Variants in OSBPL3 observed in about 807,000 individuals in gnomAD.
The protein encoded by OSBPL3 is oxysterol binding protein like 3.
OSBPL3 carries 65 observed loss-of-function variants against 120.1 expected under a neutral mutation model. The observed-to-expected ratio is 0.54, with a 90% CI of 0.44 to 0.67. The LOEUF (loss-of-function observed/expected upper bound fraction) is 0.67, where lower values mean the gene tolerates loss of function less well. OSBPL3 is among the 30% of genes least tolerant of loss of function. The pLI, the probability that OSBPL3 is intolerant of heterozygous loss-of-function variation, is 0.00. For synonymous variants in OSBPL3, 416 were observed against 402.6 expected (o/e 1.03, Z -0.40); for missense variants, 1,004 against 1,082.1 (o/e 0.93, Z 1.01).
In OSBPL3 at chr7:24,877,026, T is replaced by C. The variant is rs992832990; in HGVS notation, c.97-4957A>G. Among the ~76,000 whole-genome samples, 1 of 152,206 alleles carries C rather than the reference T, an allele frequency of 6.6e-6. No individual in the cohort carries two copies. The highest frequency in any genetic ancestry group is 1.5e-5 in the Non-Finnish European group (1 of 68,034). Reference sequence around the variant, plus strand: ...TATTAGTATTCTTTATTTTTTTGCATGTGGAAACTGAGGAAGAGAGAATTA... The same window carrying C: ...TATTAGTATTCTTTATTTTTTTGCACGTGGAAACTGAGGAAGAGAGAATTA... On this transcript the variant is annotated intron_variant, in intron 2 of 22. Coordinates refer to ENST00000313367, the MANE Select transcript of OSBPL3 (RefSeq NM_015550.4). This position sits in a 1 kb window ranked among gnomAD's most constrained non-coding sequence, Gnocchi z 4.8.
At chr7:24,944,859 C>A (rs1196221457) in intron 1 of OSBPL3, among the ~76,000 whole-genome samples, 3 of 152,100 alleles carry the variant, frequency 2.0e-5, no homozygotes, top group South Asian at 2.1e-4. Flanking sequence ...AATGAACAAC[C>A]ACATCATTCT....
intron 1 of OSBPL3, among the ~76,000 whole-genome samples, chr7:24,905,619 G>A (rs931533725): frequency 2.6e-5 from 4 of 152,186 alleles, no homozygotes; most frequent in African/African-American, 9.7e-5. Flanking sequence ...AAGCTCCGTA[G>A]GACATTCTGA....
chr7:24,909,885 A>G (rs1488077109), intron 1 of OSBPL3, among the ~76,000 whole-genome samples: 2 of 142,702 alleles, frequency 1.4e-5, no homozygotes, highest in Non-Finnish European at 3.0e-5. Context: ...GCTCACTGCA[A>G]CCTCTGCCTC....
At position 24,870,807 on chromosome 7, in the gene OSBPL3, C is replaced by A; in HGVS notation, c.306G>T (p.Gly102=). The A allele has an allele frequency of 6.2e-7, 1 of 1,613,718 alleles. No individual in the cohort carries two copies. Among genetic ancestry groups the A allele is most frequent in the Non-Finnish European group, 8.5e-7 (1 of 1,179,600 alleles). The change falls in exon 5 of 23, where the codon GGG becomes GGT. Residue 102 remains glycine, a synonymous_variant. Coordinates refer to ENST00000313367, the MANE Select transcript of OSBPL3 (RefSeq NM_015550.4). ...REKLHGCIDV[G]LSVMSVKKSS... is the part of the protein sequence containing the mutation. The stretch of plus-strand genomic sequence containing the variant: ...ACTTCTTTACAGACATCACTGAGAG[C>A]CCGACATCAATGCAGCCATGCAGCT...
chr7:24,871,812 A>G lies in OSBPL3; in HGVS notation c.214-17T>C. 6.3e-7 allele frequency: 1 copy of G among 1,599,338 alleles called. No individual in the cohort carries two copies. The highest frequency in any genetic ancestry group is 1.1e-5 in the South Asian group (1 of 90,500). On this transcript the variant is annotated splice_polypyrimidine_tract_variant and intron_variant, in intron 3 of 22. Transcript: ENST00000313367. The surrounding 1 kb of genome is among the most constrained non-coding windows in gnomAD (Gnocchi z 4.8). ...GAAGAATCTCTGTGGGGAAGAAAGT[A>G]TTATTAATTAAGGCATTCAATTTAG... is the stretch of plus-strand genomic sequence containing the variant.
At chr7:24,868,463 TG>T (rs148359566) in intron 5 of OSBPL3, among the ~76,000 whole-genome samples, 12,177 of 150,738 alleles carry the variant, frequency 0.081, 703 homozygotes, top group Non-Finnish European at 0.12. Context: ...TTTATGAAGC[TG>T]TAATTTAAGA....
At chr7:24,845,384 T>TTAAAAA (rs1798287457) in intron 12 of OSBPL3, among the ~76,000 whole-genome samples, 4 of 62,264 alleles carry the variant, frequency 6.4e-5, no homozygotes, top group African/African-American at 6.6e-5. Flanking sequence ...GCAAAATAAG[T>TTAAAAA]AAAAAAAAAA....
rs192522374 is a variant in OSBPL3 at position 24,811,043 on chromosome 7, C to G, written c.2173-1092G>C. On this transcript the variant is annotated intron_variant, in intron 19 of 22. Transcript: ENST00000313367. ...ATTTCATTTCCTATGGATATACACC[C>G]AGTAGTGGGATTGGCAGATCATATG... 3.5e-3 allele frequency among the ~76,000 whole-genome samples: 540 copies of G among 152,344 alleles called. 5 individuals carry two copies. The highest frequency in any genetic ancestry group is 0.012 in the African/African-American group (504 of 41,584).
intron 1 of OSBPL3, among the ~76,000 whole-genome samples, chr7:24,921,799 T>C (rs1810418114): frequency 6.6e-6 from 1 of 152,210 alleles, no homozygotes; most frequent in Non-Finnish European, 1.5e-5. Context: ...ATTCTGCTAA[T>C]TTGGAAATGA....
At position 24,833,604 on chromosome 7, in the gene OSBPL3, T is replaced by A. The variant is rs1796649670; in HGVS notation, c.1746+882A>T. Reference sequence around the variant, plus strand: ...AGCCGAGGGGGCACTCCAATTCCAATGTAGCCAATTGGCAAATGCCCAGGA... The same window carrying A: ...AGCCGAGGGGGCACTCCAATTCCAAAGTAGCCAATTGGCAAATGCCCAGGA... On this transcript the variant is annotated intron_variant, in intron 15 of 22. Coordinates refer to ENST00000313367, the MANE Select transcript of OSBPL3 (RefSeq NM_015550.4). The surrounding 1 kb of genome is among the most constrained non-coding windows in gnomAD (Gnocchi z 4.4). 6.6e-6 allele frequency among the ~76,000 whole-genome samples: 1 copy of A among 152,158 alleles called. No individual in the cohort carries two copies. The highest frequency in any genetic ancestry group is 1.5e-5 in the Non-Finnish European group (1 of 68,040).
chr7:24,961,062 T>C (rs1815677132), intron 1 of OSBPL3, among the ~76,000 whole-genome samples: 1 of 152,138 alleles, frequency 6.6e-6, no homozygotes, highest in Non-Finnish European at 1.5e-5. Flanking sequence ...TGTAATGATT[T>C]TTTTAAAAAA....
At position 24,807,185 on chromosome 7, in the gene OSBPL3, A is replaced by G. The variant is rs528850615; in HGVS notation, c.2318-283T>C. 5.9e-5 allele frequency among the ~76,000 whole-genome samples: 9 copies of G among 152,336 alleles called. No homozygotes were observed. The South Asian group carries it at 1.7e-3, about 28-fold the overall frequency. On this transcript the variant is annotated intron_variant, in intron 20 of 22. Transcript: ENST00000313367. ...TCTGTAGTGCTTAAGCTATGAAAAT[A>G]ATTTGATTTTAAAATAAACATGCTC...
In OSBPL3 at chr7:24,922,588, G is replaced by A. The variant is rs1810533561; in HGVS notation, c.-149-29967C>T. Among the ~76,000 whole-genome samples the A allele has an allele frequency of 6.6e-6, 1 of 152,184 alleles. No individual in the cohort carries two copies. Among genetic ancestry groups the A allele is most frequent in the Admixed American group, 6.5e-5 (1 of 15,284 alleles). ...AGGGAAGTGTGTAAAATGCCAGGCTGCTCTCCCTAACCTTTCCTCCATTTC... is the reference window on the plus strand; with the variant it reads ...AGGGAAGTGTGTAAAATGCCAGGCTACTCTCCCTAACCTTTCCTCCATTTC... On this transcript the variant is annotated intron_variant, in intron 1 of 22. Transcript: ENST00000313367. The surrounding 1 kb of genome is among the most constrained non-coding windows in gnomAD (Gnocchi z 4.3).
chr7:24,964,628 T>G lies in OSBPL3; in HGVS notation c.-150+15258A>C, dbSNP rs543108848. On this transcript the variant is annotated intron_variant, in intron 1 of 22. Transcript: ENST00000313367. The surrounding 1 kb of genome is among the most constrained non-coding windows in gnomAD (Gnocchi z 4.2). Reference sequence around the variant, plus strand: ...AACCAAGATAATGTAGAACCCCACATGGAGTCCTGGAACGGCAAAAGGACA... The same window carrying G: ...AACCAAGATAATGTAGAACCCCACAGGGAGTCCTGGAACGGCAAAAGGACA... Among the ~76,000 whole-genome samples the G allele has an allele frequency of 6.6e-6, 1 of 152,298 alleles. No homozygotes were observed. Among genetic ancestry groups the G allele is most frequent in the South Asian group, 2.1e-4 (1 of 4,828 alleles).
chr7:24,952,762 T>C lies in OSBPL3; in HGVS notation c.-150+27124A>G, dbSNP rs1035857160. Among the ~76,000 whole-genome samples, 2 of 152,216 alleles carry C rather than the reference T, an allele frequency of 1.3e-5. No homozygotes were observed. Among genetic ancestry groups the C allele is most frequent in the Non-Finnish European group, 2.9e-5 (2 of 68,036 alleles). ...ATATGCAAACCATCAGCTGAATCTA[T>C]AAACAAGAGTACCATCAAGGTTCCC... is the stretch of plus-strand genomic sequence containing the variant. On this transcript the variant is annotated intron_variant, in intron 1 of 22. Transcript: ENST00000313367. This position sits in a 1 kb window ranked among gnomAD's most constrained non-coding sequence, Gnocchi z 4.4.
intron 1 of OSBPL3, among the ~76,000 whole-genome samples, chr7:24,945,236 T>C (rs1313279058): frequency 2.6e-5 from 4 of 152,146 alleles, no homozygotes; most frequent in African/African-American, 9.7e-5. Flanking sequence ...AGGCTAAACA[T>C]CTCCATTTAA....
rs546936779 is a variant in OSBPL3 at position 24,965,286 on chromosome 7, A to G, written c.-150+14600T>C. On this transcript the variant is annotated intron_variant, in intron 1 of 22. Coordinates refer to ENST00000313367, the MANE Select transcript of OSBPL3 (RefSeq NM_015550.4). The surrounding 1 kb of genome is among the most constrained non-coding windows in gnomAD (Gnocchi z 4.3). ...ATCTACAGTAAGAAAATCTAGATAT[A>G]AGTATGAGCTCAACTATTTTTGCCC... Among the ~76,000 whole-genome samples the G allele has an allele frequency of 9.2e-5, 14 of 152,248 alleles. No individual in the cohort carries two copies. The highest frequency in any genetic ancestry group is 2.1e-4 in the Non-Finnish European group (14 of 68,036).
chr7:24,805,432 A>G lies in OSBPL3; in HGVS notation c.2445-995T>C, dbSNP rs978120800. Among the ~76,000 whole-genome samples the G allele has an allele frequency of 3.3e-5, 5 of 152,330 alleles. No individual in the cohort carries two copies. In the South Asian group the frequency reaches 8.3e-4, roughly 25 times the overall value. On this transcript the variant is annotated intron_variant, in intron 21 of 22. Transcript: ENST00000313367. This position sits in a 1 kb window ranked among gnomAD's most constrained non-coding sequence, Gnocchi z 4.0. ...ATTTTTTTTAACACAAACTTAAGAT[A>G]AATTTAATTGAAAATGTTCATCACA...
chr7:24,865,439 T>A lies in OSBPL3; in HGVS notation c.576A>T (p.Leu192Phe), dbSNP rs1357290827. ...RKRSSISKQNLFQTGSNVSFS... is the reference protein window; with the variant it reads ...RKRSSISKQNFFQTGSNVSFS... Reference sequence around the variant, plus strand: ...ATGATACATTGCTTCCAGTTTGAAATAAATTCTGCTTTGATATACTGCTAC... The same window carrying A: ...ATGATACATTGCTTCCAGTTTGAAAAAAATTCTGCTTTGATATACTGCTAC... The change falls in exon 7 of 23, where the codon TTA (leucine) becomes TTT (phenylalanine). Residue 192 changes from leucine (L) to phenylalanine (F), a missense_variant. By Grantham distance (22) the Leu-to-Phe change is conservative. Transcript: ENST00000313367. The A allele has an allele frequency of 1.2e-6, 2 of 1,613,770 alleles. No homozygotes were observed. The highest frequency in any genetic ancestry group is 2.7e-5 in the African/African-American group (2 of 74,922).
Sources: allele counts gnomAD v4.1 joint callset (sites outside exome capture counted in the v4.1 genomes callset), GRCh38; gene constraint gnomAD v4.1.1; non-coding constraint Gnocchi (gnomAD v3.1); transcripts MANE v1.5; gene names NCBI Gene and HGNC (gene_info 2026-07-23, HGNC 2026-07-21).